The following MKLN1 variants were observed in gnomAD, a reference collection of about 807,000 sequenced individuals.
The protein encoded by MKLN1 is muskelin 1, also known as muskelin.
A neutral mutation model predicts 99.0 loss-of-function variants in MKLN1; 18 were observed. The ratio of observed to expected loss-of-function variants is 0.18; its 90% confidence interval spans 0.13 to 0.27. MKLN1 has a LOEUF of 0.27. MKLN1 is among the 10% of genes least tolerant of loss of function. The pLI is 1.00. For synonymous variants in MKLN1, 288 were observed against 293.2 expected (o/e 0.98, Z 0.18); for missense variants, 621 against 875.9 (o/e 0.71, Z 3.67).
chr7:131,413,137 C>T (rs983839811), intron 7 of MKLN1, among the ~76,000 whole-genome samples: 2 of 152,000 alleles, frequency 1.3e-5, no homozygotes, highest in Non-Finnish European at 2.9e-5. Context: ...TTAAAGATGG[C>T]GATACGGTAC....
At chr7:131,227,255 C>T (rs1487250296) in intron 3 of MKLN1, among the ~76,000 whole-genome samples, 3 of 152,168 alleles carry the variant, frequency 2.0e-5, no homozygotes, top group South Asian at 2.1e-4. Context: ...TGGGCACAAC[C>T]GGAACCAACC....
intron 1 of MKLN1, among the ~76,000 whole-genome samples, chr7:131,338,450 T>G (rs915780193): frequency 9.2e-5 from 14 of 152,252 alleles, no homozygotes; most frequent in African/African-American, 2.7e-4. Context: ...AAGGGAAAGC[T>G]GCACAGAATG....
At chr7:131,406,410 AT>A (rs1794708792) in intron 6 of MKLN1, among the ~76,000 whole-genome samples, 1 of 151,880 alleles carries the variant, frequency 6.6e-6, no homozygotes, top group Admixed American at 6.6e-5. Context: ...CCATGTGAGG[AT>A]TTAGTAGACT....
chr7:131,225,849 G>A (rs1014625923), intron 3 of MKLN1, among the ~76,000 whole-genome samples: 3 of 152,156 alleles, frequency 2.0e-5, no homozygotes, highest in African/African-American at 7.2e-5. Context: ...ATGGCTGCTG[G>A]TTTTCTGGAC....
intron 16 of MKLN1, among the ~76,000 whole-genome samples, chr7:131,473,978 G>A (rs982900660): frequency 4.6e-5 from 7 of 152,092 alleles, no homozygotes; most frequent in East Asian, 3.9e-4. Flanking sequence ...GTAAAACTCC[G>A]TCTCTACTAA....
chr7:131,138,571 A>G (rs1795685661), intron 1 of MKLN1, among the ~76,000 whole-genome samples: 1 of 152,242 alleles, frequency 6.6e-6, no homozygotes, highest in South Asian at 2.1e-4. Context: ...TCTTTGAAAG[A>G]CAAGCATTAC....
At chr7:131,232,217 T>C (rs1194971190) in intron 3 of MKLN1, among the ~76,000 whole-genome samples, 1 of 152,138 alleles carries the variant, frequency 6.6e-6, no homozygotes. Context: ...TTAGCACAAA[T>C]TGAGAAATTA....
chr7:131,424,440 A>G (rs1795298651), intron 8 of MKLN1, among the ~76,000 whole-genome samples: 1 of 152,206 alleles, frequency 6.6e-6, no homozygotes, highest in Non-Finnish European at 1.5e-5. Context: ...AGGATTATGC[A>G]ATCAGCACAG....
chr7:131,232,037 A>G (rs895746169), intron 3 of MKLN1, among the ~76,000 whole-genome samples: 5 of 152,222 alleles, frequency 3.3e-5, no homozygotes, highest in African/African-American at 1.2e-4. Flanking sequence ...CAAAAAATTC[A>G]TTCCTATAAT....
chr7:131,415,964 A>G lies in MKLN1; in HGVS notation c.847+1254A>G, dbSNP rs187543588. 1.8e-4 allele frequency among the ~76,000 whole-genome samples: 27 copies of G among 151,948 alleles called. No individual in the cohort carries two copies. The East Asian group carries it at 4.5e-3, about 25-fold the overall frequency. Reference sequence around the variant, plus strand: ...TTATTAAACACCCCTCCCCTGCCCAACCTTTTTTTAAAATAGAGATGAGGT... The same window carrying G: ...TTATTAAACACCCCTCCCCTGCCCAGCCTTTTTTTAAAATAGAGATGAGGT... On this transcript the variant is annotated intron_variant, in intron 8 of 17. Transcript: ENST00000352689.
intron 3 of MKLN1, among the ~76,000 whole-genome samples, chr7:131,271,064 T>G (rs931378643): frequency 2.0e-5 from 3 of 152,114 alleles, no homozygotes; most frequent in Non-Finnish European, 4.4e-5. Context: ...AATAAAAATA[T>G]AAGATTCGTG....
chr7:131,281,584 G>A (rs143133694), intron 3 of MKLN1, among the ~76,000 whole-genome samples: 57 of 152,136 alleles, frequency 3.7e-4, no homozygotes, highest in African/African-American at 1.4e-3. Flanking sequence ...TTGGGATTTT[G>A]ATGGAGATTG....
intron 3 of MKLN1, among the ~76,000 whole-genome samples, chr7:131,235,134 G>T (rs1007574159): frequency 6.6e-6 from 1 of 152,010 alleles, no homozygotes; most frequent in Non-Finnish European, 1.5e-5. Flanking sequence ...GGGATCAGTT[G>T]ATACAAAAAG....
chr7:131,327,557 C>T (rs1584606246), upstream of MKLN1: 1 of 238,534 alleles, frequency 4.2e-6, no homozygotes, highest in East Asian at 9.1e-5. Context: ...CTTATTTTCC[C>T]TTCCTGCTCC....
chr7:131,238,645 G>A (rs1227712351), intron 3 of MKLN1, among the ~76,000 whole-genome samples: 1 of 152,222 alleles, frequency 6.6e-6, no homozygotes, highest in Non-Finnish European at 1.5e-5. Flanking sequence ...CCTAAAAAAT[G>A]TCTTATGGCT....
At chr7:131,376,139 T>TATATATATA (rs1563318314) in intron 2 of MKLN1, among the ~76,000 whole-genome samples, 5 of 8,328 alleles carry the variant, frequency 6.0e-4, no homozygotes, top group African/African-American at 1.4e-3. Context: ...TATATATGTA[T>TATATATATA]GATGTATGTA....
chr7:131,389,014 T>C, intron 4 of MKLN1, 42 bp downstream of exon 4: 2 of 1,380,136 alleles, frequency 1.4e-6, no homozygotes, highest in Non-Finnish European at 2.0e-6. Flanking sequence ...ATTCTTGATA[T>C]CATCAGTCAG....
rs995619715 is a variant in MKLN1 at position 131,321,369 on chromosome 7, T to C, written c.-178-54055T>C. ...CATGTTCTCACTAATAAGTGGGAGATGAACAATGAGAATAGATGGACACAA... is the reference window on the plus strand; with the variant it reads ...CATGTTCTCACTAATAAGTGGGAGACGAACAATGAGAATAGATGGACACAA... On this transcript the variant is annotated intron_variant, in intron 3 of 7. Coordinates refer to the MKLN1 transcript ENST00000416992. 3.3e-5 allele frequency among the ~76,000 whole-genome samples: 5 copies of C among 152,000 alleles called. No homozygotes were observed. In the East Asian group the frequency reaches 7.7e-4, roughly 23 times the overall value.
intron 2 of MKLN1, among the ~76,000 whole-genome samples, chr7:131,192,269 A>C (rs1331061082): frequency 2.0e-4 from 18 of 88,002 alleles, no homozygotes; most frequent in African/African-American, 7.6e-4. Flanking sequence ...ACAATATATA[A>C]ATATATAAAA....
Sources: gnomAD v4.1 joint callset for allele counts (sites outside exome capture counted in the v4.1 genomes callset) on GRCh38, gnomAD v4.1.1 for gene constraint, MANE v1.5 for transcripts, NCBI Gene and HGNC (gene_info 2026-07-23, HGNC 2026-07-21) for gene names.